RPL18A: variants seen among roughly 807,000 people sequenced by gnomAD.
RPL18A encodes the protein ribosomal protein L18a, also known as large ribosomal subunit protein eL20.
For synonymous variants in RPL18A, 122 were observed against 96.9 expected (o/e 1.26, Z -1.52); for missense variants, 163 against 254.1 (o/e 0.64, Z 2.44).
At chr19:17,861,715 G>A in intron 2 of RPL18A, 1 of 563,984 alleles carries the variant, frequency 1.8e-6, no homozygotes, top group South Asian at 2.2e-5. Context: ...TGGCATGGTG[G>A]GACACCTTGG....
At position 17,860,486 on chromosome 19, in the gene RPL18A, G is replaced by A. The variant is rs572506417; in HGVS notation, c.18+512G>A. Among the ~76,000 whole-genome samples the A allele has an allele frequency of 7.9e-5, 12 of 152,310 alleles. No individual in the cohort carries two copies. The South Asian group carries it at 2.5e-3, about 32-fold the overall frequency. ...GAGAACCTGGACTCCCATGGAGTGG[G>A]TGTATTATGTCCAGATCTCCAGCTT... On this transcript the variant is annotated intron_variant, in intron 1 of 4. Transcript: ENST00000222247.
chr19:17,863,246 C>T lies in RPL18A; in HGVS notation c.514C>T (p.Pro172Ser). The T allele has an allele frequency of 1.3e-6, 2 of 1,596,694 alleles. No homozygotes were observed. The highest frequency in any genetic ancestry group is 1.7e-6 in the Non-Finnish European group (2 of 1,166,238). ...QHKPRFTTKR[P>S]NTFF ...CAAGCCACGCTTCACCACCAAGAGG[C>T]CCAACACCTTCTTCTAGGTGCAGGG... The change falls in exon 5 of 5, where the codon CCC (proline) becomes TCC (serine). Residue 172 changes from proline to serine, a missense_variant. By Grantham distance (74) the Pro-to-Ser change is moderately conservative. Transcript: ENST00000222247.
At chr19:17,862,408 A>G in intron 3 of RPL18A, 185 bp downstream of exon 3, 1 of 716,582 alleles carries the variant, frequency 1.4e-6, no homozygotes, top group Non-Finnish European at 2.4e-6. Context: ...GCTCGGTTGT[A>G]AATCACATCA....
At position 17,863,266 on chromosome 19, in the gene RPL18A, G is replaced by T. The variant is rs544370575; in HGVS notation, c.*3G>T. On this transcript the variant is annotated 3_prime_UTR_variant, in exon 5 of 5. Coordinates refer to ENST00000222247, the MANE Select transcript of RPL18A (RefSeq NM_000980.4). Reference sequence around the variant, plus strand: ...AGAGGCCCAACACCTTCTTCTAGGTGCAGGGCCCTCGTCCGGGTGTGCCCC... The same window carrying T: ...AGAGGCCCAACACCTTCTTCTAGGTTCAGGGCCCTCGTCCGGGTGTGCCCC... 6.4e-7 allele frequency: 1 copy of T among 1,559,638 alleles called. No homozygotes were observed. Among genetic ancestry groups the T allele is most frequent in the Non-Finnish European group, 8.8e-7 (1 of 1,133,820 alleles).
intron 4 of RPL18A, 48 bp downstream of exon 4, chr19:17,863,075 C>T (rs2094280586): frequency 6.4e-7 from 1 of 1,559,030 alleles, no homozygotes; most frequent in African/African-American, 1.4e-5. Context: ...TGCTCTGACG[C>T]AGGAGCCCAG....
At chr19:17,860,463 G>A (rs2094275197) in intron 1 of RPL18A, 1 of 158,952 alleles carries the variant, frequency 6.3e-6, no homozygotes, top group African/African-American at 2.4e-5. Flanking sequence ...AGAGATAGGA[G>A]AACCTGGACT....
At chr19:17,861,145 A>C (rs917226586) in intron 1 of RPL18A, 148 bp from the exon 2 acceptor site, 2 of 651,476 alleles carry the variant, frequency 3.1e-6, no homozygotes, top group Non-Finnish European at 5.4e-6. Context: ...TGTGACCTAC[A>C]GTCACCAAGA....
chr19:17,862,021 G>GGT (rs1251199388), intron 2 of RPL18A, 73 bp from the exon 3 acceptor site: 1 of 1,551,348 alleles, frequency 6.4e-7, no homozygotes, highest in Non-Finnish European at 8.8e-7. Flanking sequence ...TAGAGGCAGA[G>GGT]GGTTCAGTGA....
intron 1 of RPL18A, chr19:17,861,007 G>T: frequency 2.1e-6 from 1 of 465,496 alleles, no homozygotes; most frequent in Non-Finnish European, 3.8e-6. Flanking sequence ...GAGGCTGTGG[G>T]TCTAAGCCAC....
intron 3 of RPL18A, 147 bp downstream of exon 3, chr19:17,862,370 G>T: frequency 1.0e-6 from 1 of 995,242 alleles, no homozygotes; most frequent in South Asian, 1.5e-5. Flanking sequence ...CCAGGCCCCA[G>T]ATGGCGCTTT....
Position 17,862,907 on chromosome 19 carries a change from C to T in RPL18A, c.329-11C>T. ...GCAACACCGTCACCCTGGCCCCGCT[C>T]CTTTCCACAGACCGAGACATGGGTG... On this transcript the variant is annotated splice_polypyrimidine_tract_variant and intron_variant, in intron 3 of 4. Coordinates refer to ENST00000222247, the MANE Select transcript of RPL18A (RefSeq NM_000980.4). The T allele has an allele frequency of 1.9e-6, 3 of 1,600,244 alleles. No homozygotes were observed. The highest frequency in any genetic ancestry group is 2.6e-6 in the Non-Finnish European group (3 of 1,168,564).
chr19:17,861,366 G>A lies in RPL18A; in HGVS notation c.92G>A (p.Arg31Gln), dbSNP rs755704442. 14 of 1,612,722 alleles carry A rather than the reference G, an allele frequency of 8.7e-6. No individual in the cohort carries two copies. The highest frequency in any genetic ancestry group is 6.7e-5 in the East Asian group (3 of 44,888). Residue 31 changes from arginine (R) to glutamine (Q), a missense_variant, in exon 2 of 5, where the codon CGA becomes CAA. Arg to Gln is a conservative substitution (Grantham distance 43). Transcript: ENST00000222247. The part of the protein sequence containing the change: ...KCHTPPLYRM[R>Q]IFAPNHVVAK... ...CACACGCCGCCCCTCTACCGCATGCGAATCTTTGCGCCTAATCATGTCGTC... is the reference window on the plus strand; with the variant it reads ...CACACGCCGCCCCTCTACCGCATGCAAATCTTTGCGCCTAATCATGTCGTC...
In RPL18A at chr19:17,859,961, A is replaced by C; in HGVS notation, c.5A>C (p.Lys2Thr). The change falls in exon 1 of 5, where the codon AAG becomes ACG. Residue 2 changes from lysine to threonine, a missense_variant. Lys to Thr is a moderately conservative substitution (Grantham distance 78). Transcript: ENST00000222247. Reference protein sequence around the residue: MKASGTLREYKV... With the variant: MTASGTLREYKV... ...GGCGAACGCGGAGAGCACGCCATGA[A>C]GGCCTCGGGCACGGTAAGGCGGGCG... 1 of 1,539,106 alleles carries C rather than the reference A, an allele frequency of 6.5e-7. No homozygotes were observed. Among genetic ancestry groups the C allele is most frequent in the Non-Finnish European group, 8.7e-7 (1 of 1,143,664 alleles).
At chr19:17,862,370 G>C in intron 3 of RPL18A, 147 bp downstream of exon 3, 2 of 995,242 alleles carry the variant, frequency 2.0e-6, no homozygotes, top group East Asian at 2.4e-5. Flanking sequence ...CCAGGCCCCA[G>C]ATGGCGCTTT....
chr19:17,860,018 G>C, intron 1 of RPL18A, 44 bp downstream of exon 1: 1 of 1,484,630 alleles, frequency 6.7e-7, no homozygotes, highest in Admixed American at 2.7e-5. Flanking sequence ...GATGGGGCAC[G>C]GGCCCCATCA....
chr19:17,862,197 C>T lies in RPL18A; in HGVS notation c.302C>T (p.Thr101Ile), dbSNP rs1599896286. The T allele has an allele frequency of 1.9e-6, 3 of 1,613,522 alleles. No homozygotes were observed. The highest frequency in any genetic ancestry group is 2.5e-6 in the Non-Finnish European group (3 of 1,180,030). The change falls in exon 3 of 5, where the codon ACC becomes ATC. Residue 101 changes from threonine to isoleucine, a missense_variant. Coordinates refer to ENST00000222247, the MANE Select transcript of RPL18A (RefSeq NM_000980.4). ...HNMYREYRDL[T>I]TAGAVTQCYR... ...ATGTACCGGGAATACCGGGACCTGA[C>T]CACCGCAGGCGCTGTCACCCAGTGC...
intron 2 of RPL18A, 27 bp downstream of exon 2, chr19:17,861,499 G>T (rs1445428936): frequency 1.9e-6 from 3 of 1,540,018 alleles, no homozygotes; most frequent in African/African-American, 2.7e-5. Context: ...GCTACGTGGG[G>T]TCTGGAGTGG....
At chr19:17,861,569 G>A in intron 2 of RPL18A, 97 bp downstream of exon 2, 5 of 938,636 alleles carry the variant, frequency 5.3e-6, no homozygotes, top group Non-Finnish European at 8.0e-6. Flanking sequence ...AACGGGTGCG[G>A]TAGCTCAACG....
In RPL18A at chr19:17,863,174, T is replaced by C. The variant is rs1299964976; in HGVS notation, c.442T>C (p.Ser148Pro). 1 of 1,612,786 alleles carries C rather than the reference T, an allele frequency of 6.2e-7. No homozygotes were observed. Among genetic ancestry groups the C allele is most frequent in the Admixed American group, 1.7e-5 (1 of 59,978 alleles). ...RRPAVKQFHD[S>P]KIKFPLPHRV... ...AACATGCCTCCCTTCCTCACAGGAC[T>C]CCAAGATCAAGTTCCCGCTGCCCCA... Residue 148 changes from serine to proline, a missense_variant, in exon 5 of 5, where the codon TCC (serine) becomes CCC (proline). Ser to Pro is a moderately conservative substitution (Grantham distance 74). Coordinates refer to ENST00000222247, the MANE Select transcript of RPL18A (RefSeq NM_000980.4).
Sources: allele counts gnomAD v4.1 joint callset (sites outside exome capture counted in the v4.1 genomes callset), GRCh38; gene constraint gnomAD v4.1.1; transcripts MANE v1.5; gene names NCBI Gene and HGNC (gene_info 2026-07-23, HGNC 2026-07-21).